CNGB3: variants seen among roughly 807,000 people sequenced by gnomAD.
CNGB3 encodes the protein cyclic nucleotide-gated channel beta-3.
Under a neutral mutation model 92.8 loss-of-function variants are expected in CNGB3, and 86 were observed. That is an observed-to-expected ratio of 0.93 (90% confidence interval 0.78 to 1.11). The LOEUF (loss-of-function observed/expected upper bound fraction) is 1.11. CNGB3 is among the 50% of genes least tolerant of loss of function. The pLI is 0.00. For synonymous variants in CNGB3, 333 were observed against 332.7 expected, an observed-to-expected ratio of 1.00 and a Z score of -0.01; for missense variants, 1,026 against 956.8, an observed-to-expected ratio of 1.07 and a Z score of -0.95.
chr8:86,689,739 G>A (rs1284479299), intron 3 of CNGB3, among the ~76,000 whole-genome samples: 1 of 151,140 alleles, frequency 6.6e-6, no homozygotes, highest in Non-Finnish European at 1.5e-5. Flanking sequence ...AGGCCCTGGT[G>A]TGTGATGTTC....
At chr8:86,719,756 G>C (rs1371737497) in intron 3 of CNGB3, among the ~76,000 whole-genome samples, 1 of 152,116 alleles carries the variant, frequency 6.6e-6, no homozygotes, top group African/African-American at 2.4e-5. Context: ...ATGCTATAAG[G>C]TCATAGTCAC....
At chr8:86,707,981 T>C (rs1411875839) in intron 3 of CNGB3, 1 of 151,468 alleles carries the variant, frequency 6.6e-6, no homozygotes, top group Non-Finnish European at 1.5e-5. Flanking sequence ...GCAGGAGGAG[T>C]GGGTCTGAAA....
At chr8:86,597,446 T>C (rs1010446057) in intron 15 of CNGB3, among the ~76,000 whole-genome samples, 1 of 152,156 alleles carries the variant, frequency 6.6e-6, no homozygotes, top group African/African-American at 2.4e-5. Context: ...CTAATGCATG[T>C]ATAGTTACAA....
intron 6 of CNGB3, chr8:86,661,647 A>T (rs560588160): frequency 2.4e-6 from 2 of 841,324 alleles, no homozygotes; most frequent in South Asian, 2.8e-5. Context: ...CAGTGATTTA[A>T]GTATTTTATA....
chr8:86,630,485 G>C lies in CNGB3; in HGVS notation c.1321-1407C>G, dbSNP rs113407675. On this transcript the variant is annotated intron_variant, in intron 11 of 17. Coordinates refer to ENST00000320005, the MANE Select transcript of CNGB3 (RefSeq NM_019098.5). ...GAAGATGTATATTCTATAATGGATT[G>C]CAGGCTAGGGAAGTACATGAGAGTA... 7.5e-4 allele frequency among the ~76,000 whole-genome samples: 114 copies of C among 152,282 alleles called. 1 individual carries two copies. The South Asian group carries it at 0.012, about 16-fold the overall frequency.
chr8:86,626,995 C>T (rs926981014), intron 12 of CNGB3, among the ~76,000 whole-genome samples: 1 of 151,916 alleles, frequency 6.6e-6, no homozygotes, highest in Non-Finnish European at 1.5e-5. Flanking sequence ...CTGATCCTGT[C>T]CCTCTACCCA....
At chr8:86,733,942 A>T (rs990300514) in intron 2 of CNGB3, among the ~76,000 whole-genome samples, 1 of 152,090 alleles carries the variant, frequency 6.6e-6, no homozygotes, top group Non-Finnish European at 1.5e-5. Flanking sequence ...ACCATAGCTC[A>T]CTGTAACCAC....
intron 2 of CNGB3, among the ~76,000 whole-genome samples, chr8:86,732,115 C>A (rs997542016): frequency 2.0e-5 from 3 of 152,184 alleles, no homozygotes; most frequent in Non-Finnish European, 2.9e-5. Flanking sequence ...TGGTTAGGGT[C>A]TCTTAAATTT....
intron 15 of CNGB3, chr8:86,593,874 G>T (rs899642869): frequency 5.8e-6 from 4 of 692,968 alleles, no homozygotes; most frequent in African/African-American, 5.4e-5. Context: ...AGCATAGCCA[G>T]GTCCTGCTTG....
chr8:86,670,552 G>A (rs1033477728), intron 4 of CNGB3, among the ~76,000 whole-genome samples: 1 of 152,076 alleles, frequency 6.6e-6, no homozygotes, highest in African/African-American at 2.4e-5. Flanking sequence ...CCCAATGGCA[G>A]AGCAGTAGTC....
intron 6 of CNGB3, chr8:86,659,546 A>T: frequency 1.7e-6 from 1 of 584,612 alleles, no homozygotes; most frequent in Non-Finnish European, 3.2e-6. Flanking sequence ...TCCTTGGTTA[A>T]CTCTTTGTTG....
At chr8:86,591,930 TC>T (rs1293902913) in intron 15 of CNGB3, among the ~76,000 whole-genome samples, 1 of 152,060 alleles carries the variant, frequency 6.6e-6, no homozygotes, top group African/African-American at 2.4e-5. Context: ...CGGGCGCCCC[TC>T]CCCCAGCCTC....
chr8:86,656,819 C>CGGGAGTACGGG (rs1823517012), intron 6 of CNGB3, among the ~76,000 whole-genome samples: 1 of 152,136 alleles, frequency 6.6e-6, no homozygotes, highest in Non-Finnish European at 1.5e-5. Context: ...CCATCCTTGC[C>CGGGAGTACGGG]TCCTTTCTCT....
At chr8:86,577,241 T>G (rs1821678609) in intron 17 of CNGB3, among the ~76,000 whole-genome samples, 1 of 152,248 alleles carries the variant, frequency 6.6e-6, no homozygotes, top group South Asian at 2.1e-4. Flanking sequence ...AATAGCTTTC[T>G]GCTCTGTAAC....
rs1226107431 is a variant in CNGB3 at position 86,583,026 on chromosome 8, C to CTTGGGTTCAAGTGATT, written c.1782-3775_1782-3774insAATCACTTGAACCCAA. 9.4e-4 allele frequency among the ~76,000 whole-genome samples: 4 copies of CTTGGGTTCAAGTGATT among 4,274 alleles called. No homozygotes were observed. In the African/African-American group the frequency reaches 0.011, roughly 12 times the overall value. 2.8% of individuals were successfully genotyped at this position (4,274 alleles called of 152,430 possible). ...TCTTGGCTTACTGCAACCTCTGCTT[C>CTTGGGTTCAAGTGATT]CTGTAGCTGGGATTACAGGTGTCCA... is the stretch of plus-strand genomic sequence containing the variant. On this transcript the variant is annotated intron_variant, in intron 15 of 17. Coordinates refer to ENST00000320005, the MANE Select transcript of CNGB3 (RefSeq NM_019098.5).
Position 86,626,081 on chromosome 8 carries a change from C to T in CNGB3, c.1481-1G>A. ...AGGGTCTTAAGCAAATCAGACTCAT[C>T]TTTATAAAGATAAACACATCAAACC... is the stretch of plus-strand genomic sequence containing the variant. On this transcript the variant is annotated splice_acceptor_variant, in intron 12 of 17. Transcript: ENST00000320005. LOFTEE classifies it high-confidence loss of function. The T allele has an allele frequency of 2.5e-6, 4 of 1,608,232 alleles. No homozygotes were observed. Among genetic ancestry groups the T allele is most frequent in the Non-Finnish European group, 3.4e-6 (4 of 1,175,050 alleles).
At chr8:86,600,764 C>A (rs1822280989) in intron 15 of CNGB3, among the ~76,000 whole-genome samples, 2 of 146,776 alleles carry the variant, frequency 1.4e-5, no homozygotes, top group African/African-American at 5.2e-5. Context: ...TGCCCACCAC[C>A]ACGCTCGGCT....
intron 2 of CNGB3, among the ~76,000 whole-genome samples, chr8:86,738,330 G>C (rs1270445772): frequency 6.6e-6 from 1 of 152,118 alleles, no homozygotes; most frequent in Non-Finnish European, 1.5e-5. Context: ...ATTTTGTCCT[G>C]CAGGCAATAT....
At chr8:86,722,492 A>T (rs1824989924) in intron 3 of CNGB3, among the ~76,000 whole-genome samples, 1 of 152,142 alleles carries the variant, frequency 6.6e-6, no homozygotes, top group Non-Finnish European at 1.5e-5. Context: ...TACATAATGG[A>T]GATGGCGTGA....
Sources: gnomAD v4.1 joint callset for allele counts (sites outside exome capture counted in the v4.1 genomes callset) on GRCh38, gnomAD v4.1.1 for gene constraint, MANE v1.5 for transcripts, NCBI Gene and HGNC (gene_info 2026-07-23, HGNC 2026-07-21) for gene names.